Variants in ANKHD1 observed in about 807,000 individuals in gnomAD.
ANKHD1 encodes ankyrin repeat and KH domain containing 1, also known as ankyrin repeat and KH domain-containing protein 1.
ANKHD1 carries 31 observed loss-of-function variants against 230.5 expected under a neutral mutation model. The observed-to-expected ratio is 0.13, with a 90% CI of 0.10 to 0.18. The LOEUF (loss-of-function observed/expected upper bound fraction) is 0.18, where lower values mean the gene tolerates loss of function less well. ANKHD1 is among the 10% of genes least tolerant of loss of function. ANKHD1 has a pLI of 1.00. For missense variants in ANKHD1, 2,256 were observed against 3,071.3 expected (o/e 0.73, Z 6.27); for synonymous variants, 1,074 against 1,117.6 (o/e 0.96, Z 0.78).
At chr5:140,455,308 C>G (rs1263310502) in intron 7 of ANKHD1, among the ~76,000 whole-genome samples, 1 of 152,188 alleles carries the variant, frequency 6.6e-6, no homozygotes, top group Non-Finnish European at 1.5e-5. Flanking sequence ...GGTACCATCC[C>G]TTTTGAAACT....
At chr5:140,479,741 T>C (rs1040895214) in intron 10 of ANKHD1, among the ~76,000 whole-genome samples, 15 of 149,670 alleles carry the variant, frequency 1.0e-4, no homozygotes, top group African/African-American at 3.7e-4. Context: ...GGTATATATA[T>C]ATACTTATAT....
chr5:140,443,631 CA>C (rs1774040693), intron 5 of ANKHD1, among the ~76,000 whole-genome samples: 1 of 150,496 alleles, frequency 6.6e-6, no homozygotes, highest in African/African-American at 2.5e-5. Context: ...GCGGAGCTTG[CA>C]GTGAGCCGAG....
intron 22 of ANKHD1, among the ~76,000 whole-genome samples, chr5:140,511,914 G>A (rs757705819): frequency 1.3e-5 from 2 of 152,146 alleles, no homozygotes; most frequent in Non-Finnish European, 2.9e-5. Context: ...TGGTAGGAAG[G>A]GAAACTATGC....
chr5:140,528,212 G>A lies in ANKHD1; in HGVS notation c.5266G>A (p.Val1756Ile). The change falls in exon 29 of 34, where the codon GTT (valine) becomes ATT (isoleucine). Residue 1756 changes from valine (V) to isoleucine (I), a missense_variant. Physicochemically the swap from Val to Ile is conservative, Grantham distance 29 (BLOSUM62 3). Coordinates refer to ENST00000360839, the MANE Select transcript of ANKHD1 (RefSeq NM_017747.3). Reference sequence around the variant, plus strand: ...TGGCACAGAATCAACAAGATATGCAGTTCAACTAATCAATGCACTCATTCA... The same window carrying A: ...TGGCACAGAATCAACAAGATATGCAATTCAACTAATCAATGCACTCATTCA... ...RGGTESTRYA[V>I]QLINALIQDP... 1 of 1,606,714 alleles carries A rather than the reference G, an allele frequency of 6.2e-7. No homozygotes were observed.
At chr5:140,534,853 A>G (rs915134308) in intron 29 of ANKHD1, among the ~76,000 whole-genome samples, 16 of 152,250 alleles carry the variant, frequency 1.1e-4, no homozygotes, top group Admixed American at 1.0e-3. Flanking sequence ...TCTATCAGAT[A>G]GAATACTGAA....
At position 140,537,577 on chromosome 5, in the gene ANKHD1, A is replaced by G. The variant is rs2127102888; in HGVS notation, c.7216A>G (p.Asn2406Asp). The stretch of plus-strand genomic sequence containing the variant: ...CAGTGGAATCTGGTCATTTGGTGTC[A>G]ATGCTGTGTCAGGTACAATTGCCTT... ...GHSGIWSFGV[N>D]AVSEGLSGWS... The change falls in exon 31 of 34, where the codon AAT (asparagine) becomes GAT (aspartate). Residue 2406 changes from asparagine (N) to aspartate (D), a missense_variant. Asn to Asp is a conservative substitution (Grantham distance 23). Coordinates refer to ENST00000360839, the MANE Select transcript of ANKHD1 (RefSeq NM_017747.3). 6.3e-7 allele frequency: 1 copy of G among 1,585,564 alleles called. No individual in the cohort carries two copies. The highest frequency in any genetic ancestry group is 8.6e-7 in the Non-Finnish European group (1 of 1,165,638).
chr5:140,465,337 T>C (rs190568342), intron 10 of ANKHD1, among the ~76,000 whole-genome samples: 160 of 152,306 alleles, frequency 1.1e-3, no homozygotes, highest in African/African-American at 3.7e-3. Context: ...ACAAATTCTA[T>C]TCTTTTTGTG....
At chr5:140,504,675 A>T (rs932315408) in intron 15 of ANKHD1, 146 bp from the exon 16 acceptor site, 1 of 1,071,660 alleles carries the variant, frequency 9.3e-7, no homozygotes, top group Non-Finnish European at 1.3e-6. Context: ...ACTAATATTT[A>T]AATGTAGGTC....
chr5:140,529,785 C>T lies in ANKHD1; in HGVS notation c.6839C>T (p.Thr2280Ile). Residue 2280 changes from threonine to isoleucine, a missense_variant, in exon 29 of 34, where the codon ACT becomes ATT. Coordinates refer to ENST00000360839, the MANE Select transcript of ANKHD1 (RefSeq NM_017747.3). Reference sequence around the variant, plus strand: ...AGACCACCTTCCCAGCGAGTTTCTACTAGTCCAGTTGGTAAGTTATTAACT... The same window carrying T: ...AGACCACCTTCCCAGCGAGTTTCTATTAGTCCAGTTGGTAAGTTATTAACT... The part of the protein sequence containing the change: ...GFRPPSQRVS[T>I]SPVGLPSIDP... The T allele has an allele frequency of 6.2e-7, 1 of 1,613,892 alleles. No homozygotes were observed.
intron 1 of ANKHD1, among the ~76,000 whole-genome samples, chr5:140,428,553 G>C (rs1772744644): frequency 6.6e-6 from 1 of 152,172 alleles, no homozygotes; most frequent in African/African-American, 2.4e-5. Context: ...GGAGAATCAG[G>C]CAGGGAGGTT....
intron 5 of ANKHD1, among the ~76,000 whole-genome samples, chr5:140,444,079 T>TCCCCCCC (rs33957556): frequency 8.8e-6 from 1 of 113,342 alleles, no homozygotes; most frequent in African/African-American, 3.5e-5. Context: ...TGAGATGAAG[T>TCCCCCCC]CCCCCCCCCC....
intron 6 of ANKHD1, among the ~76,000 whole-genome samples, chr5:140,447,867 C>T (rs548357788): frequency 7.2e-5 from 11 of 152,264 alleles, no homozygotes; most frequent in African/African-American, 2.4e-4. Context: ...CCTAGGTGTG[C>T]GGCCTTATAA....
At position 140,528,438 on chromosome 5, in the gene ANKHD1, TTAA is replaced by T; in HGVS notation, c.5496_5498del (p.Asn1832del). On this transcript the variant is annotated inframe_deletion, in exon 29 of 34. Coordinates refer to ENST00000360839, the MANE Select transcript of ANKHD1 (RefSeq NM_017747.3). ...TCTACGTTCCAGCCCGCTAATAAAC[TTAA>T]TAAGAATGTTCCAACAAATGTACGT... The T allele has an allele frequency of 6.2e-7, 1 of 1,614,034 alleles. No individual in the cohort carries two copies. Among genetic ancestry groups the T allele is most frequent in the Non-Finnish European group, 8.5e-7 (1 of 1,179,960 alleles).
Position 140,402,964 on chromosome 5 carries a change from CTTTTTT to C in ANKHD1, c.306+712_306+717del, listed in dbSNP as rs56939861. Among the ~76,000 whole-genome samples, 325 of 73,910 alleles carry C rather than the reference CTTTTTT, an allele frequency of 4.4e-3. 1 individual carries two copies. The highest frequency in any genetic ancestry group is 0.027 in the Middle Eastern group (3 of 112). 48.5% of individuals were successfully genotyped at this position (73,910 alleles called of 152,430 possible). A position where few individuals can be genotyped will look rare whatever the true frequency, so the allele number is the denominator to read the frequency against. On this transcript the variant is annotated intron_variant, in intron 1 of 33. Coordinates refer to ENST00000360839, the MANE Select transcript of ANKHD1 (RefSeq NM_017747.3). ...GTGGGGCAACCTGTGGAAACCTCTTCTTTTTTTTTTTTTTTTTTTTTTTTTTGAGAT... is the reference window on the plus strand; with the variant it reads ...GTGGGGCAACCTGTGGAAACCTCTTCTTTTTTTTTTTTTTTTTTTTGAGAT...
At chr5:140,480,231 A>G (rs1425551823) in intron 10 of ANKHD1, among the ~76,000 whole-genome samples, 1 of 152,102 alleles carries the variant, frequency 6.6e-6, no homozygotes, top group Non-Finnish European at 1.5e-5. Flanking sequence ...GTATATTTAT[A>G]GAGAGGAAAA....
intron 10 of ANKHD1, among the ~76,000 whole-genome samples, chr5:140,479,917 TATAC>T (rs1314526591): frequency 1.4e-5 from 2 of 146,262 alleles, no homozygotes; most frequent in African/African-American, 5.0e-5. Flanking sequence ...CTCCTATATA[TATAC>T]ATACATATAT....
intron 9 of ANKHD1, among the ~76,000 whole-genome samples, chr5:140,464,230 C>CAAA (rs566732231): frequency 9.2e-6 from 1 of 108,336 alleles, no homozygotes; most frequent in Non-Finnish European, 1.9e-5. Flanking sequence ...GACTATCTCT[C>CAAA]AAAAAAAAAA....
chr5:140,539,212 T>G, intron 33 of ANKHD1, 129 bp downstream of exon 33: 1 of 1,518,584 alleles, frequency 6.6e-7, no homozygotes, highest in Admixed American at 2.2e-5. Flanking sequence ...TTTTTCAATA[T>G]CAAGATGATG....
At chr5:140,521,191 A>C (rs2127077618) in intron 24 of ANKHD1, among the ~76,000 whole-genome samples, 1 of 152,298 alleles carries the variant, frequency 6.6e-6, no homozygotes, top group South Asian at 2.1e-4. Flanking sequence ...GATTATTGAG[A>C]GATGCTAAAA....
Sources: gnomAD v4.1 joint callset for allele counts (sites outside exome capture counted in the v4.1 genomes callset) on GRCh38, gnomAD v4.1.1 for gene constraint, MANE v1.5 for transcripts, NCBI Gene and HGNC (gene_info 2026-07-23, HGNC 2026-07-21) for gene names.